Variants in APPL1 observed in about 807,000 individuals in gnomAD.
The protein encoded by APPL1 is adaptor protein, phosphotyrosine interacting with PH domain and leucine zipper 1.
In APPL1, 42 loss-of-function variants were observed where a neutral mutation model predicts 106.8. That is an observed-to-expected ratio of 0.39 (90% CI 0.31 to 0.51). APPL1 has a LOEUF of 0.51. Among genes scored for constraint, APPL1 ranks in the 20% least tolerant of loss-of-function variants. APPL1 has a pLI of 0.75. For synonymous variants in APPL1, 263 were observed against 281.8 expected, an observed-to-expected ratio of 0.93 and a Z score of 0.67; for missense variants, 769 against 858.2, an observed-to-expected ratio of 0.90 and a Z score of 1.30.
chr3:57,265,878 G>GT (rs1357530889), intron 19 of APPL1, among the ~76,000 whole-genome samples: 2 of 152,054 alleles, frequency 1.3e-5, no homozygotes, highest in Non-Finnish European at 2.9e-5. Flanking sequence ...TCTATACCAA[G>GT]TTTTTTTGAG....
chr3:57,268,614 T>A (rs557384856), intron 21 of APPL1, 127 bp downstream of exon 21: 10 of 1,096,112 alleles, frequency 9.1e-6, no homozygotes, highest in Non-Finnish European at 1.2e-5. Context: ...CATAAACAGA[T>A]GATTCATACC....
intron 6 of APPL1, among the ~76,000 whole-genome samples, chr3:57,242,574 C>T (rs1173393498): frequency 1.3e-5 from 2 of 152,134 alleles, no homozygotes; most frequent in African/African-American, 4.8e-5. Flanking sequence ...TGGCATATGC[C>T]ACTGTGTCTA....
chr3:57,249,221 CAT>C, intron 10 of APPL1, 137 bp from the exon 11 acceptor site: 1 of 738,662 alleles, frequency 1.4e-6, no homozygotes, highest in South Asian at 1.9e-5. Context: ...AGACTGAAAG[CAT>C]ATTTATATTT....
intron 1 of APPL1, chr3:57,230,810 C>T (rs960753511): frequency 1.1e-5 from 5 of 444,328 alleles, no homozygotes; most frequent in African/African-American, 4.2e-5. Context: ...CTCACTGTCA[C>T]GTAGGTTGGA....
intron 21 of APPL1, 189 bp from the exon 22 acceptor site, chr3:57,269,352 A>G (rs2060918748): frequency 2.0e-6 from 1 of 511,172 alleles, no homozygotes; most frequent in Non-Finnish European, 3.4e-6. Context: ...GCTGGCTTTT[A>G]TAGGATGGTG....
chr3:57,256,289 A>G (rs1182591786), intron 13 of APPL1, among the ~76,000 whole-genome samples: 7 of 152,200 alleles, frequency 4.6e-5, no homozygotes, highest in East Asian at 3.9e-4. Flanking sequence ...AATGTTAACT[A>G]TATGTACGTG....
At chr3:57,268,297 CA>C (rs1251166986) in intron 20 of APPL1, 100 bp from the exon 21 acceptor site, 19 of 1,228,576 alleles carry the variant, frequency 1.5e-5, no homozygotes, top group Middle Eastern at 5.9e-4. Flanking sequence ...TGTATAAATG[CA>C]AAAAAATATT....
chr3:57,253,594 T>G, intron 12 of APPL1, 88 bp from the exon 13 acceptor site: 1 of 976,606 alleles, frequency 1.0e-6, no homozygotes, highest in Non-Finnish European at 1.4e-6. Context: ...TAATGAAACA[T>G]CTGTTGCAGT....
intron 1 of APPL1, among the ~76,000 whole-genome samples, chr3:57,232,678 A>C (rs576008868): frequency 3.3e-5 from 5 of 152,178 alleles, no homozygotes; most frequent in Admixed American, 1.3e-4. Flanking sequence ...ATGTATAGGA[A>C]AACATGCATA....
chr3:57,264,612 G>T (rs1169569077), intron 19 of APPL1, among the ~76,000 whole-genome samples: 3 of 151,028 alleles, frequency 2.0e-5, no homozygotes, highest in African/African-American at 7.3e-5. Context: ...AAATATTTTT[G>T]TATATGGTGA....
rs775623868 is a variant in APPL1 at position 57,240,487 on chromosome 3, T to G, written c.308T>G (p.Leu103Arg). 1 of 1,613,946 alleles carries G rather than the reference T, an allele frequency of 6.2e-7. No homozygotes were observed. Among genetic ancestry groups the G allele is most frequent in the Admixed American group, 1.7e-5 (1 of 60,020 alleles). ...IDELSSCHAV[L>R]STQLADAMMF... ...TAGCTTAGCTCTTGTCATGCAGTGC[T>G]TTCAACTCAACTTGCTGATGCCATG... Residue 103 changes from leucine to arginine, a missense_variant, in exon 5 of 22, where the codon CTT becomes CGT. By Grantham distance (102) the Leu-to-Arg change is moderately radical. Coordinates refer to ENST00000288266, the MANE Select transcript of APPL1 (RefSeq NM_012096.3).
At chr3:57,234,651 A>T (rs189196931) in intron 1 of APPL1, among the ~76,000 whole-genome samples, 28 of 151,482 alleles carry the variant, frequency 1.8e-4, no homozygotes, top group East Asian at 5.9e-4. Context: ...AAGATAATTT[A>T]AAAAAATTTT....
At position 57,270,726 on chromosome 3, in the gene APPL1, A is replaced by G. The variant is rs2060931814; in HGVS notation, c.*1039A>G. The G allele has an allele frequency of 6.6e-6, 1 of 152,546 alleles. No individual in the cohort carries two copies. Among genetic ancestry groups the G allele is most frequent in the Non-Finnish European group, 1.5e-5 (1 of 68,030 alleles). The allele number at this position is 152,546 out of a possible 1,614,324, so 9.4% of individuals were successfully genotyped here. On this transcript the variant is annotated 3_prime_UTR_variant, in exon 22 of 22. Coordinates refer to ENST00000288266, the MANE Select transcript of APPL1 (RefSeq NM_012096.3). The stretch of plus-strand genomic sequence containing the variant: ...TGATAAAGTACTGAATCACCACTTT[A>G]TATCCACAAAGGCAAATAACTAATG...
intron 7 of APPL1, among the ~76,000 whole-genome samples, chr3:57,245,075 G>A (rs1367869171): frequency 6.6e-6 from 1 of 152,066 alleles, no homozygotes. Context: ...TACATTTTTA[G>A]CACATAAACA....
At chr3:57,250,975 T>G (rs1398215308) in intron 11 of APPL1, among the ~76,000 whole-genome samples, 1 of 148,580 alleles carries the variant, frequency 6.7e-6, no homozygotes. Context: ...GCCCGGCTAA[T>G]TTTTTGTATT....
chr3:57,243,685 A>G (rs1164513274), intron 7 of APPL1, among the ~76,000 whole-genome samples: 1 of 152,234 alleles, frequency 6.6e-6, no homozygotes, highest in Non-Finnish European at 1.5e-5. Flanking sequence ...TTTCGTTTCT[A>G]ATTTTAGCTG....
chr3:57,230,776 T>C (rs529873204), intron 1 of APPL1: 7 of 458,904 alleles, frequency 1.5e-5, no homozygotes, highest in African/African-American at 2.0e-5. Flanking sequence ...TGGTAAGTTT[T>C]TTGTTTTTTT....
chr3:57,246,213 G>A lies in APPL1; in HGVS notation c.612G>A (p.Met204Ile). The A allele has an allele frequency of 6.3e-7, 1 of 1,598,390 alleles. No homozygotes were observed. The highest frequency in any genetic ancestry group is 1.1e-5 in the South Asian group (1 of 87,338). ...IALLEPLLGY[M>I]QAQISFFKMG... Reference sequence around the variant, plus strand: ...TGTTAGAACCTCTACTTGGGTACATGCAAGCTCAGGTAAATACTGTACTGT... The same window carrying A: ...TGTTAGAACCTCTACTTGGGTACATACAAGCTCAGGTAAATACTGTACTGT... The change falls in exon 8 of 22, where the codon ATG (methionine) becomes ATA (isoleucine). Residue 204 changes from methionine to isoleucine, a missense_variant. Coordinates refer to ENST00000288266, the MANE Select transcript of APPL1 (RefSeq NM_012096.3).
chr3:57,233,580 T>C (rs1223900304), intron 1 of APPL1, among the ~76,000 whole-genome samples: 2 of 152,086 alleles, frequency 1.3e-5, no homozygotes, highest in African/African-American at 4.8e-5. Flanking sequence ...TTTTTACATC[T>C]TAAAATAGCA....
Sources: allele counts gnomAD v4.1 joint callset (sites outside exome capture counted in the v4.1 genomes callset), GRCh38; gene constraint gnomAD v4.1.1; transcripts MANE v1.5; gene names NCBI Gene and HGNC (gene_info 2026-07-23, HGNC 2026-07-21).